Variants in ZNF19 observed in about 807,000 individuals in gnomAD.
ZNF19 encodes zinc finger protein 19, also known as zinc finger protein 19 (KOX 12).
A neutral mutation model predicts 13.1 loss-of-function variants in ZNF19; 11 were observed. That is an observed-to-expected ratio of 0.84 (90% CI 0.53 to 1.39). The LOEUF is 1.39. ZNF19 is among the 40% of genes most tolerant of loss of function. ZNF19 has a pLI of 0.00. For missense variants in ZNF19, 560 were observed against 547.0 expected (o/e 1.02, Z -0.24); for synonymous variants, 186 against 187.0 (o/e 0.99, Z 0.04).
intron 3 of ZNF19, among the ~76,000 whole-genome samples, chr16:71,481,306 T>A (rs1205948577): frequency 1.3e-5 from 2 of 152,270 alleles, no homozygotes; most frequent in Middle Eastern, 3.4e-3. Flanking sequence ...TGGGATATGG[T>A]TCATGGATAC....
At chr16:71,480,114 A>T (rs537411367) in intron 3 of ZNF19, among the ~76,000 whole-genome samples, 1 of 151,706 alleles carries the variant, frequency 6.6e-6, no homozygotes, top group Non-Finnish European at 1.5e-5. Context: ...TTCAACAGAC[A>T]CCCTTCTCCC....
In ZNF19 at chr16:71,474,387, AAGAGTGAAAGCTTTT is replaced by A. The variant is rs1280715023; in HGVS notation, c.*768_*782del. 2 of 152,268 alleles carry A rather than the reference AAGAGTGAAAGCTTTT, an allele frequency of 1.3e-5. No individual in the cohort carries two copies. The highest frequency in any genetic ancestry group is 3.8e-4 in the East Asian group (2 of 5,204). The allele number at this position is 152,268 out of a possible 1,614,324, so 9.4% of individuals were successfully genotyped here. On this transcript the variant is annotated 3_prime_UTR_variant, in exon 6 of 6. Coordinates refer to ENST00000288177, the MANE Select transcript of ZNF19 (RefSeq NM_006961.4). ...TGAATAAACAGAAAATGAAAGCTTT[AAGAGTGAAAGCTTTT>A]AGTTTCCTAGTTAAGACTTTTCTTG...
intron 2 of ZNF19, among the ~76,000 whole-genome samples, chr16:71,483,052 T>G (rs1234453490): frequency 6.6e-6 from 1 of 152,222 alleles, no homozygotes; most frequent in Non-Finnish European, 1.5e-5. Context: ...ACAGGAATGC[T>G]TTTAGAACTG....
chr16:71,488,540 T>C (rs901083115), intron 1 of ZNF19, among the ~76,000 whole-genome samples: 1 of 152,180 alleles, frequency 6.6e-6, no homozygotes, highest in African/African-American at 2.4e-5. Flanking sequence ...GGCTCACGCC[T>C]GTAATCCCAG....
At position 71,484,733 on chromosome 16, in the gene ZNF19, G is replaced by C; in HGVS notation, c.-174C>G. ...TTACTCCCGGGAGGAGTTTCCACCC[G>C]GGGATCCTCAGAGACCTTGAATAGG... On this transcript the variant is annotated 5_prime_UTR_variant, in exon 2 of 6. Coordinates refer to ENST00000288177, the MANE Select transcript of ZNF19 (RefSeq NM_006961.4). The C allele has an allele frequency of 1.0e-6, 1 of 985,388 alleles. No homozygotes were observed. The highest frequency in any genetic ancestry group is 1.2e-6 in the Non-Finnish European group (1 of 829,912). 61.0% of individuals were successfully genotyped at this position (985,388 alleles called of 1,614,324 possible).
rs778421522 is a variant in ZNF19 at position 71,475,773 on chromosome 16, G to A, written c.774C>T (p.Ser258=). Residue 258 remains serine, a synonymous_variant, in exon 6 of 6, where the codon TCC becomes TCT. Transcript: ENST00000288177. ...GGATTCTCTGATGTATAACAAACTC[G>A]GAACTACTCGTGAAACTATTCCCAC... ...TECGNSFTSS[S]EFVIHQRIHT... 19 of 1,609,070 alleles carry A rather than the reference G, an allele frequency of 1.2e-5. No individual in the cohort carries two copies. In the East Asian group the frequency reaches 1.8e-4, roughly 15 times the overall value.
At chr16:71,486,181 GAAA>G (rs33957419) in intron 1 of ZNF19, among the ~76,000 whole-genome samples, 12,087 of 130,848 alleles carry the variant, frequency 0.092, 579 homozygotes, top group Middle Eastern at 0.17. Context: ...TGTCTCTACC[GAAA>G]AAAAAAAAAA....
rs767955822 is a variant in ZNF19, at chr16:71,475,678, C to T, written c.869G>A (p.Arg290Gln). ...CTCTCCAGTGTGGATTTTCTGATGCCGAAGTAGGGGTGAATTACCAACAAA... is the reference window on the plus strand; with the variant it reads ...CTCTCCAGTGTGGATTTTCTGATGCTGAAGTAGGGGTGAATTACCAACAAA... The part of the protein sequence containing the change: ...KAFVGNSPLL[R>Q]HQKIHTGEKP... The change falls in exon 6 of 6, where the codon CGG becomes CAG. Residue 290 changes from arginine to glutamine, a missense_variant. Physicochemically the swap from Arg to Gln is conservative, Grantham distance 43. Transcript: ENST00000288177. 4.9e-5 allele frequency: 79 copies of T among 1,612,326 alleles called. No individual in the cohort carries two copies. The African/African-American group carries it at 5.2e-4, about 11-fold the overall frequency.
In ZNF19 at chr16:71,475,204, C is replaced by T; in HGVS notation, c.1343G>A (p.Gly448Asp). Residue 448 changes from glycine (G) to aspartate (D), a missense_variant, in exon 6 of 6, where the codon GGC becomes GAC. By Grantham distance (94) the Gly-to-Asp change is moderately conservative. Transcript: ENST00000288177. ...EKPVLDICRF[G>D]LPEFFTPFYW ...AAAGGGGGTAAAAAATTCTGGGAGG[C>T]CAAAACGACAAATGTCCAGCACAGG... 6.2e-7 allele frequency: 1 copy of T among 1,611,450 alleles called. No individual in the cohort carries two copies. The highest frequency in any genetic ancestry group is 8.5e-7 in the Non-Finnish European group (1 of 1,178,708).
chr16:71,475,970 C>A lies in ZNF19; in HGVS notation c.577G>T (p.Glu193Ter), dbSNP rs749184710. 1 of 1,614,158 alleles carries A rather than the reference C, an allele frequency of 6.2e-7. No homozygotes were observed. The highest frequency in any genetic ancestry group is 2.2e-5 in the East Asian group (1 of 44,886). ...TTACCATTAAAGGCTTTTCCACACT[C>A]ACTACACTCAAAAGGTTTCTCCCCA... Reference protein sequence around the residue: ...HTGEKPFECSECGKAFNGNSS... With the variant: ...HTGEKPFECS Residue 193 changes from glutamate to a stop codon, truncating the protein, a stop_gained, in exon 6 of 6, where the codon GAG becomes TAG. Coordinates refer to ENST00000288177, the MANE Select transcript of ZNF19 (RefSeq NM_006961.4). LOFTEE classifies it low-confidence loss of function (END_TRUNC).
At chr16:71,483,639 T>A (rs2043653565) in intron 2 of ZNF19, among the ~76,000 whole-genome samples, 1 of 152,202 alleles carries the variant, frequency 6.6e-6, no homozygotes, top group Admixed American at 6.5e-5. Context: ...AGGTCAGGTG[T>A]CTCTGTTAAA....
rs189429998 is a variant in ZNF19 at position 71,475,576 on chromosome 16, G to T, written c.971C>A (p.Thr324Lys). The change falls in exon 6 of 6, where the codon ACA becomes AAA. Residue 324 changes from threonine (T) to lysine (K), a missense_variant. Thr to Lys is a moderately conservative substitution (Grantham distance 78). Transcript: ENST00000288177. ...SHLSQHQRIH[T>K]GEKPYSCKVC... is the part of the protein sequence containing the mutation. ...TTTACAAGAATAAGGCTTTTCCCCT[G>T]TGTGAATACGCTGATGTTGGCTTAG... is the stretch of plus-strand genomic sequence containing the variant. 1.2e-6 allele frequency: 2 copies of T among 1,614,006 alleles called. No homozygotes were observed. Among genetic ancestry groups the T allele is most frequent in the Non-Finnish European group, 1.7e-6 (2 of 1,180,042 alleles).
At chr16:71,484,832 A>G in intron 1 of ZNF19, 84 bp from the exon 2 acceptor site, 1 of 651,268 alleles carries the variant, frequency 1.5e-6, no homozygotes. Flanking sequence ...GCAACAAACT[A>G]CTGTAGTATC....
At chr16:71,484,046 A>G (rs74896398) in intron 2 of ZNF19, among the ~76,000 whole-genome samples, 1 of 152,206 alleles carries the variant, frequency 6.6e-6, no homozygotes, top group Admixed American at 6.5e-5. Flanking sequence ...GTCAAAGGAG[A>G]GTGTGCTGTT....
At chr16:71,485,392 G>T (rs1403586052) in intron 1 of ZNF19, among the ~76,000 whole-genome samples, 1 of 150,506 alleles carries the variant, frequency 6.6e-6, no homozygotes, top group Non-Finnish European at 1.5e-5. Flanking sequence ...GGAGGTTGCA[G>T]TGAGCCGAGA....
chr16:71,475,333 CTTT>C lies in ZNF19; in HGVS notation c.1211_1213del (p.Gln404del). On this transcript the variant is annotated inframe_deletion, in exon 6 of 6. Transcript: ENST00000288177. Reference sequence around the variant, plus strand: ...ATAGGGTTTCTCTCCAGTATGGATTCTTTGATGCTGATGAAGATTTCTTTTGCT... The same window carrying C: ...ATAGGGTTTCTCTCCAGTATGGATTCGATGCTGATGAAGATTTCTTTTGCT... The C allele has an allele frequency of 6.2e-7, 1 of 1,613,772 alleles. No individual in the cohort carries two copies. The highest frequency in any genetic ancestry group is 8.5e-7 in the Non-Finnish European group (1 of 1,179,898).
At chr16:71,486,147 A>G (rs1251825221) in intron 1 of ZNF19, among the ~76,000 whole-genome samples, 1 of 150,830 alleles carries the variant, frequency 6.6e-6, no homozygotes, top group Non-Finnish European at 1.5e-5. Context: ...AGTTCAAACC[A>G]GCCTGGGCAA....
chr16:71,481,709 G>A lies in ZNF19; in HGVS notation c.33+373C>T, dbSNP rs367638614. The stretch of plus-strand genomic sequence containing the variant: ...GTCTTCTTCCTGCTGTCCCTCTGCT[G>A]CTACTTCCCAAAAACCTTGTGCCCT... On this transcript the variant is annotated intron_variant, in intron 3 of 5. Coordinates refer to ENST00000288177, the MANE Select transcript of ZNF19 (RefSeq NM_006961.4). Among the ~76,000 whole-genome samples, 19 of 152,238 alleles carry A rather than the reference G, an allele frequency of 1.2e-4. No homozygotes were observed. In the South Asian group the frequency reaches 3.9e-3, roughly 32 times the overall value.
In ZNF19 at chr16:71,475,425, C is replaced by G. The variant is rs1238917356; in HGVS notation, c.1122G>C (p.Arg374Ser). ...ACTCCTGAGTATGAATTCTCAGATG[C>G]CTTTTTAATTGTTCCTGAGCACTGA... ...KAFSAQEQLKRHLRIHTQESS... is the reference protein window; with the variant it reads ...KAFSAQEQLKSHLRIHTQESS... Residue 374 changes from arginine (R) to serine (S), a missense_variant, in exon 6 of 6, where the codon AGG (arginine) becomes AGC (serine). Arg to Ser is a moderately radical substitution (Grantham distance 110). Transcript: ENST00000288177. 5.0e-6 allele frequency: 8 copies of G among 1,614,138 alleles called. No individual in the cohort carries two copies. Among genetic ancestry groups the G allele is most frequent in the Admixed American group, 1.7e-5 (1 of 60,020 alleles).
Sources: gnomAD v4.1 joint callset for allele counts (sites outside exome capture counted in the v4.1 genomes callset) on GRCh38, gnomAD v4.1.1 for gene constraint, MANE v1.5 for transcripts, NCBI Gene and HGNC (gene_info 2026-07-23, HGNC 2026-07-21) for gene names.